ITGAM: variants seen among roughly 807,000 people sequenced by gnomAD.
ITGAM encodes integrin subunit alpha M, also known as integrin alpha-M.
In ITGAM, 79 loss-of-function variants were observed where a neutral mutation model predicts 137.5. The observed-to-expected ratio is 0.57, with a 90% CI of 0.48 to 0.69. The LOEUF is 0.69. Ranked by LOEUF, ITGAM falls within the 30% of genes least tolerant of loss-of-function variation. The pLI, the probability that ITGAM is intolerant of heterozygous loss-of-function variation, is 0.00. For synonymous variants in ITGAM, 583 were observed against 592.3 expected (o/e 0.98, Z 0.23); for missense variants, 1,343 against 1,483.5 (o/e 0.91, Z 1.56).
chr16:31,330,072 T>C lies in ITGAM; in HGVS notation c.2977-9T>C. ...TCTCTGCCCCTTCTCAGTGCGTCTC[T>C]TTCCTCAGAACCTCTCGAGTACGTG... is the stretch of plus-strand genomic sequence containing the variant. On this transcript the variant is annotated splice_polypyrimidine_tract_variant and intron_variant, in intron 25 of 29. Transcript: ENST00000544665. 6.2e-7 allele frequency: 1 copy of C among 1,612,938 alleles called. No homozygotes were observed. Among genetic ancestry groups the C allele is most frequent in the Non-Finnish European group, 8.5e-7 (1 of 1,179,418 alleles).
chr16:31,329,449 C>A, intron 24 of ITGAM, 146 bp downstream of exon 24: 1 of 682,996 alleles, frequency 1.5e-6, no homozygotes, highest in Non-Finnish European at 2.7e-6. Flanking sequence ...TCAGTATGCA[C>A]ACATACACGC....
At position 31,277,040 on chromosome 16, in the gene ITGAM, G is replaced by T. The variant is rs1321856766; in HGVS notation, c.1204G>T (p.Ala402Ser). Residue 402 changes from alanine to serine, a missense_variant, in exon 11 of 30, where the codon GCT becomes TCT. Ala to Ser is a moderately conservative substitution (Grantham distance 99). Transcript: ENST00000544665. ...CAGAGTGGATTCAGACATGAATGAT[G>T]CTTACTTGGGTAAGTGGGGAGGGCA... The part of the protein sequence containing the change: ...MTRVDSDMND[A>S]YLGYAAAIIL... 6.2e-7 allele frequency: 1 copy of T among 1,610,498 alleles called. No homozygotes were observed. Among genetic ancestry groups the T allele is most frequent in the Non-Finnish European group, 8.5e-7 (1 of 1,178,230 alleles).
chr16:31,290,887 A>G (rs1379480109), intron 12 of ITGAM, among the ~76,000 whole-genome samples: 1 of 152,196 alleles, frequency 6.6e-6, no homozygotes, highest in Non-Finnish European at 1.5e-5. Flanking sequence ...TTCTCAGGAT[A>G]TAGGAGCAAT....
At chr16:31,328,864 ATG>A (rs1439452742) in intron 23 of ITGAM, 1 of 361,510 alleles carries the variant, frequency 2.8e-6, no homozygotes, top group East Asian at 6.7e-5. Context: ...GTGAGGGTCT[ATG>A]TGCATGTATG....
chr16:31,325,324 G>A lies in ITGAM; in HGVS notation c.2425G>A (p.Asp809Asn), dbSNP rs1391023627. 1 of 1,613,958 alleles carries A rather than the reference G, an allele frequency of 6.2e-7. No homozygotes were observed. Residue 809 changes from aspartate (D) to asparagine (N), a missense_variant, in exon 20 of 30, where the codon GAT (aspartate) becomes AAT (asparagine). Asp to Asn is a conservative substitution (Grantham distance 23, BLOSUM62 1). Transcript: ENST00000544665. The stretch of plus-strand genomic sequence containing the variant: ...CAACGTGACAGTGACTGTGAGAAAT[G>A]ATGGTGAGGACTCCTACAGGACACA... ...EFNVTVTVRN[D>N]GEDSYRTQVT...
At chr16:31,320,904 C>T (rs546715500) in intron 14 of ITGAM, among the ~76,000 whole-genome samples, 22 of 152,208 alleles carry the variant, frequency 1.4e-4, no homozygotes, top group African/African-American at 2.4e-4. Flanking sequence ...TTGGGCGTGG[C>T]GGCTCACACC....
At position 31,270,950 on chromosome 16, in the gene ITGAM, C is replaced by G; in HGVS notation, c.428-4C>G. The G allele has an allele frequency of 6.7e-7, 1 of 1,502,410 alleles. No individual in the cohort carries two copies. 93.1% of individuals were successfully genotyped at this position (1,502,410 alleles called of 1,614,324 possible). A position where few individuals can be genotyped will look rare whatever the true frequency, so the allele number is the denominator to read the frequency against. ...TTGATTCATACTCTTTTCCCCTTCC[C>G]CAGGGTGTCCTCAAGAGGATAGTGA... On this transcript the variant is annotated splice_region_variant and splice_polypyrimidine_tract_variant and intron_variant, in intron 5 of 29. Coordinates refer to ENST00000544665, the MANE Select transcript of ITGAM (RefSeq NM_000632.4).
intron 12 of ITGAM, among the ~76,000 whole-genome samples, chr16:31,278,632 A>C (rs2079935436): frequency 6.6e-6 from 1 of 152,194 alleles, no homozygotes; most frequent in Non-Finnish European, 1.5e-5. Context: ...ATGGTCACAT[A>C]TTATGTGGGA....
In ITGAM at chr16:31,331,770, GCC is replaced by G; in HGVS notation, c.*67_*68del. ...CAGGACTCTGCCCAGACCACACGTAGCCCCCAGGCTGCTGGACACGTCGGACA... is the reference window on the plus strand; with the variant it reads ...CAGGACTCTGCCCAGACCACACGTAGCCCAGGCTGCTGGACACGTCGGACA... On this transcript the variant is annotated 3_prime_UTR_variant, in exon 30 of 30. Coordinates refer to ENST00000544665, the MANE Select transcript of ITGAM (RefSeq NM_000632.4). The G allele has an allele frequency of 7.7e-7, 1 of 1,305,518 alleles. No individual in the cohort carries two copies. The highest frequency in any genetic ancestry group is 1.1e-6 in the Non-Finnish European group (1 of 943,102). The allele number at this position is 1,305,518 out of a possible 1,614,324, so 80.9% of individuals were successfully genotyped here. A position where few individuals can be genotyped will look rare whatever the true frequency, so the allele number is the denominator to read the frequency against.
intron 12 of ITGAM, among the ~76,000 whole-genome samples, chr16:31,296,785 T>C (rs1232641975): frequency 6.6e-6 from 1 of 152,214 alleles, no homozygotes; most frequent in East Asian, 1.9e-4. Context: ...AAGAAACACT[T>C]GTTTGTTGAA....
At chr16:31,281,451 G>GGTGTAT (rs1449493609) in intron 12 of ITGAM, among the ~76,000 whole-genome samples, 165 of 152,098 alleles carry the variant, frequency 1.1e-3, no homozygotes, top group African/African-American at 3.8e-3. Flanking sequence ...GTCTTGGGAG[G>GGTGTAT]GTGTATGTGT....
In ITGAM at chr16:31,331,649, A is replaced by G. The variant is rs201921030; in HGVS notation, c.3401A>G (p.Lys1134Arg). Residue 1134 changes from lysine to arginine, a missense_variant, in exon 30 of 30, where the codon AAG becomes AGG. Lys to Arg is a conservative substitution (Grantham distance 26, BLOSUM62 2). Coordinates refer to ENST00000544665, the MANE Select transcript of ITGAM (RefSeq NM_000632.4). Reference protein sequence around the residue: ...TAALYKLGFFKRQYKDMMSEG... With the variant: ...TAALYKLGFFRRQYKDMMSEG... ...TCTGCCCCGCAGCTCGGCTTCTTCA[A>G]GCGGCAATACAAGGACATGATGAGT... is the stretch of plus-strand genomic sequence containing the variant. 4.6e-5 allele frequency: 74 copies of G among 1,609,692 alleles called. No homozygotes were observed. The highest frequency in any genetic ancestry group is 6.1e-5 in the Non-Finnish European group (72 of 1,178,328).
At chr16:31,283,017 T>G (rs1253630315) in intron 12 of ITGAM, among the ~76,000 whole-genome samples, 1 of 152,222 alleles carries the variant, frequency 6.6e-6, no homozygotes, top group Non-Finnish European at 1.5e-5. Flanking sequence ...GGTTGAAAAT[T>G]CTTTTCTCTA....
rs756180601 is a variant in ITGAM at position 31,285,623 on chromosome 16, C to T, written c.1356+7514C>T. On this transcript the variant is annotated intron_variant, in intron 12 of 29. Coordinates refer to ENST00000544665, the MANE Select transcript of ITGAM (RefSeq NM_000632.4). Reference sequence around the variant, plus strand: ...CTGCACTCCAGCCTGGATGACAGGGCGAGACTTCATCTCAATTAAAAAAAA... The same window carrying T: ...CTGCACTCCAGCCTGGATGACAGGGTGAGACTTCATCTCAATTAAAAAAAA... 1.4e-4 allele frequency among the ~76,000 whole-genome samples: 22 copies of T among 151,782 alleles called. 1 individual carries two copies. The highest frequency in any genetic ancestry group is 3.3e-4 in the Admixed American group (5 of 15,234).
chr16:31,261,063 G>A (rs561560767), intron 1 of ITGAM, among the ~76,000 whole-genome samples: 4 of 152,260 alleles, frequency 2.6e-5, no homozygotes, highest in African/African-American at 7.2e-5. Context: ...CTATCTGGCT[G>A]TTTACAGAAT....
At chr16:31,319,137 G>T (rs1320638397) in intron 14 of ITGAM, among the ~76,000 whole-genome samples, 4 of 151,976 alleles carry the variant, frequency 2.6e-5, no homozygotes, top group Admixed American at 2.0e-4. Context: ...GTCTGTCCTG[G>T]GGAATGGTCC....
intron 14 of ITGAM, among the ~76,000 whole-genome samples, chr16:31,307,316 AT>A (rs1346684112): frequency 6.6e-6 from 1 of 152,014 alleles, no homozygotes; most frequent in Non-Finnish European, 1.5e-5. Context: ...ATCCTCTTTT[AT>A]TTCATTGAGC....
rs563980365 is a variant in ITGAM, at chr16:31,275,691, C to A, written c.1001C>A (p.Ala334Glu). The change falls in exon 9 of 30, where the codon GCG becomes GAG. Residue 334 changes from alanine (A) to glutamate (E), a missense_variant. Physicochemically the swap from Ala to Glu is moderately radical, Grantham distance 107. Transcript: ENST00000544665. Reference sequence around the variant, plus strand: ...AACCAGCTTCGGGAGAAGATCTTTGCGATCGAGGGTGAGTCAGGCATCTGT... The same window carrying A: ...AACCAGCTTCGGGAGAAGATCTTTGAGATCGAGGGTGAGTCAGGCATCTGT... ...IQNQLREKIFAIEGTQTGSSS... is the reference protein window; with the variant it reads ...IQNQLREKIFEIEGTQTGSSS... 1 of 1,613,660 alleles carries A rather than the reference C, an allele frequency of 6.2e-7. No homozygotes were observed. The highest frequency in any genetic ancestry group is 2.2e-5 in the East Asian group (1 of 44,864).
Position 31,330,088 on chromosome 16 carries a change from C to T in ITGAM, c.2984C>T (p.Ser995Leu), listed in dbSNP as rs1189552115. ...GTGCGTCTCTTTCCTCAGAACCTCT[C>T]GAGTACGTGCCACACCAAGGAGCGC... The part of the protein sequence containing the change: ...RPQVTFSENL[S>L]STCHTKERLP... Residue 995 changes from serine (S) to leucine (L), a missense_variant, in exon 26 of 30, where the codon TCG (serine) becomes TTG (leucine). By Grantham distance (145) the Ser-to-Leu change is moderately radical (BLOSUM62 -2). Coordinates refer to ENST00000544665, the MANE Select transcript of ITGAM (RefSeq NM_000632.4). 2 of 1,613,536 alleles carry T rather than the reference C, an allele frequency of 1.2e-6. No individual in the cohort carries two copies. Among genetic ancestry groups the T allele is most frequent in the East Asian group, 2.2e-5 (1 of 44,872 alleles).
Sources: gnomAD v4.1 joint callset for allele counts (sites outside exome capture counted in the v4.1 genomes callset) on GRCh38, gnomAD v4.1.1 for gene constraint, MANE v1.5 for transcripts, NCBI Gene and HGNC (gene_info 2026-07-23, HGNC 2026-07-21) for gene names.